Variants in CDH1 observed in about 807,000 individuals in gnomAD.
The protein encoded by CDH1 is cadherin 1.
Under a neutral mutation model 84.5 loss-of-function variants are expected in CDH1, and 35 were observed. The observed-to-expected ratio is 0.41, with a 90% CI of 0.32 to 0.55. The LOEUF (loss-of-function observed/expected upper bound fraction) is 0.55, where lower values mean the gene tolerates loss of function less well. Among genes scored for constraint, CDH1 ranks in the 20% least tolerant of loss-of-function variants. The pLI is 0.19. For synonymous variants in CDH1, 417 were observed against 439.0 expected (o/e 0.95, Z 0.63); for missense variants, 994 against 1,126.6 (o/e 0.88, Z 1.68).
At position 68,834,113 on chromosome 16, in the gene CDH1, C is replaced by T. The variant is rs1479148040; in HGVS notation, c.*614C>T. On this transcript the variant is annotated 3_prime_UTR_variant, in exon 16 of 16. Transcript: ENST00000261769. ...CTGGGACCACAGGCATGCACCACTACGCATGACTAATTTTTTAAATATTTG... is the reference window on the plus strand; with the variant it reads ...CTGGGACCACAGGCATGCACCACTATGCATGACTAATTTTTTAAATATTTG... 13 of 433,746 alleles carry T rather than the reference C, an allele frequency of 3.0e-5. No individual in the cohort carries two copies. The highest frequency in any genetic ancestry group is 7.6e-5 in the South Asian group (4 of 52,942). 26.9% of individuals were successfully genotyped at this position (433,746 alleles called of 1,614,324 possible). A position where few individuals can be genotyped will look rare whatever the true frequency, so the allele number is the denominator to read the frequency against.
Position 68,815,526 on chromosome 16 carries a change from T to A in CDH1, c.1332T>A (p.Phe444Leu), listed in dbSNP as rs1392114487. ...TTTCTGCTCTCTAGGGCTTGGATTT[T>A]GAGGCCAAGCAGCAGTACATTCTAC... Reference protein sequence around the residue: ...GILKTAKGLDFEAKQQYILHV... With the variant: ...GILKTAKGLDLEAKQQYILHV... The change falls in exon 10 of 16, where the codon TTT (phenylalanine) becomes TTA (leucine). Residue 444 changes from phenylalanine to leucine, a missense_variant. Phe to Leu is a conservative substitution (Grantham distance 22). Coordinates refer to ENST00000261769, the MANE Select transcript of CDH1 (RefSeq NM_004360.5). 2 of 1,614,254 alleles carry A rather than the reference T, an allele frequency of 1.2e-6. No individual in the cohort carries two copies. Among genetic ancestry groups the A allele is most frequent in the Non-Finnish European group, 1.7e-6 (2 of 1,180,050 alleles).
intron 10 of CDH1, among the ~76,000 whole-genome samples, 197 bp from the exon 11 acceptor site, chr16:68,819,083 T>C (rs527607039): frequency 2.6e-5 from 4 of 152,240 alleles, no homozygotes; most frequent in Admixed American, 6.5e-5. Flanking sequence ...CTCAAACCCC[T>C]GACCTCAGGT....
intron 2 of CDH1, among the ~76,000 whole-genome samples, chr16:68,770,048 A>G (rs974949452): frequency 1.3e-5 from 2 of 148,542 alleles, no homozygotes; most frequent in Non-Finnish European, 3.0e-5. Context: ...GGTTGTTTTC[A>G]GGTCCAAGTC....
chr16:68,804,406 C>T (rs1157045511), intron 3 of CDH1, among the ~76,000 whole-genome samples: 1 of 152,100 alleles, frequency 6.6e-6, no homozygotes, highest in Non-Finnish European at 1.5e-5. Flanking sequence ...AGCCACTGCG[C>T]CCGGCCCTAT....
intron 3 of CDH1, among the ~76,000 whole-genome samples, chr16:68,805,207 A>G (rs1271947640): frequency 2.0e-5 from 3 of 150,548 alleles, no homozygotes; most frequent in Non-Finnish European, 3.0e-5. Flanking sequence ...TTTAGTACAG[A>G]TGGGGTTTTA....
At chr16:68,779,386 T>C (rs1186424181) in intron 2 of CDH1, among the ~76,000 whole-genome samples, 3 of 152,196 alleles carry the variant, frequency 2.0e-5, no homozygotes, top group African/African-American at 7.2e-5. Context: ...CCGGCAGGCC[T>C]GAGTTCAATT....
chr16:68,782,984 G>A (rs1219677572), intron 2 of CDH1, among the ~76,000 whole-genome samples: 1 of 152,126 alleles, frequency 6.6e-6, no homozygotes, highest in Non-Finnish European at 1.5e-5. Flanking sequence ...CATATCCTAA[G>A]TGTCTCATTT....
chr16:68,813,192 G>T, intron 8 of CDH1, 121 bp from the exon 9 acceptor site: 1 of 1,004,824 alleles, frequency 1.0e-6, no homozygotes, highest in East Asian at 2.4e-5. Context: ...ACTCCAGCCT[G>T]GTGACAGTGA....
intron 2 of CDH1, among the ~76,000 whole-genome samples, chr16:68,755,101 A>G (rs935841963): frequency 6.6e-6 from 1 of 150,946 alleles, no homozygotes; most frequent in Non-Finnish European, 1.5e-5. Context: ...GCATGATAGA[A>G]CCCCGCCTCT....
chr16:68,739,286 G>A (rs967162233), intron 2 of CDH1, among the ~76,000 whole-genome samples: 4 of 151,982 alleles, frequency 2.6e-5, no homozygotes, highest in Admixed American at 6.6e-5. Context: ...GCATGGTGGC[G>A]TGTGCCTGTA....
Position 68,828,318 on chromosome 16 carries a change from A to G in CDH1, c.2295+14A>G, listed in dbSNP as rs1024244866. 4 of 1,613,560 alleles carry G rather than the reference A, an allele frequency of 2.5e-6. No homozygotes were observed. Among genetic ancestry groups the G allele is most frequent in the Non-Finnish European group, 2.5e-6 (3 of 1,179,772 alleles). Reference sequence around the variant, plus strand: ...GAAGAGGACCAGGTGGGTTTTGAAAACCTTGGTAGCTCAGTGGTGATCTCT... The same window carrying G: ...GAAGAGGACCAGGTGGGTTTTGAAAGCCTTGGTAGCTCAGTGGTGATCTCT... On this transcript the variant is annotated intron_variant, in intron 14 of 15. Coordinates refer to ENST00000261769, the MANE Select transcript of CDH1 (RefSeq NM_004360.5).
At chr16:68,745,944 A>T (rs138163763) in intron 2 of CDH1, among the ~76,000 whole-genome samples, 1 of 152,110 alleles carries the variant, frequency 6.6e-6, no homozygotes, top group Non-Finnish European at 1.5e-5. Context: ...CAGCCTCCCA[A>T]GTAGCTGGGA....
chr16:68,755,760 AT>A (rs34523825), intron 2 of CDH1, among the ~76,000 whole-genome samples: 54,153 of 122,068 alleles, frequency 0.44, 11,035 homozygotes, highest in Non-Finnish European at 0.53. Context: ...AGTTTTCTAA[AT>A]TTTTTTTTTT....
chr16:68,759,382 T>C (rs1963101310), intron 2 of CDH1, among the ~76,000 whole-genome samples: 1 of 152,206 alleles, frequency 6.6e-6, no homozygotes, highest in South Asian at 2.1e-4. Context: ...GTCGTTGCAT[T>C]CATTTATTGA....
intron 15 of CDH1, among the ~76,000 whole-genome samples, chr16:68,832,086 G>T (rs1961498101): frequency 6.6e-6 from 1 of 151,992 alleles, no homozygotes; most frequent in African/African-American, 2.4e-5. Flanking sequence ...TGAATGATGA[G>T]AACTCATGGA....
At chr16:68,787,878 T>C (rs9922275) in intron 2 of CDH1, among the ~76,000 whole-genome samples, 1,932 of 145,148 alleles carry the variant, frequency 0.013, 51 homozygotes, top group African/African-American at 0.047. Flanking sequence ...CAGGCTGGAG[T>C]ACAATGGCAT....
At chr16:68,743,359 CTTTCT>C (rs1555510236) in intron 2 of CDH1, among the ~76,000 whole-genome samples, 1 of 55,568 alleles carries the variant, frequency 1.8e-5, no homozygotes, top group African/African-American at 7.3e-5. Context: ...TTCTTTCTTT[CTTTCT>C]TTTCTTTTCT....
At position 68,819,280 on chromosome 16, in the gene CDH1, A is replaced by T. The variant is rs1555516521; in HGVS notation, c.1566A>T (p.Thr522=). 1 of 1,614,220 alleles carries T rather than the reference A, an allele frequency of 6.2e-7. No homozygotes were observed. The highest frequency in any genetic ancestry group is 8.5e-7 in the Non-Finnish European group (1 of 1,180,046). The change falls in exon 11 of 16, where the codon ACA becomes ACT. Residue 522 remains threonine, a splice_region_variant and synonymous_variant. Transcript: ENST00000261769. ...AAAGCCAGAGCTTGTCCCCGTTCAG[A>T]TATCGGATTTGGAGAGACACTGCCA... is the stretch of plus-strand genomic sequence containing the variant. ...EPDTFMEQKI[T]YRIWRDTANW... is the part of the protein sequence containing the mutation.
intron 2 of CDH1, among the ~76,000 whole-genome samples, chr16:68,789,580 T>C (rs1960155924): frequency 6.6e-6 from 1 of 152,078 alleles, no homozygotes; most frequent in Non-Finnish European, 1.5e-5. Flanking sequence ...ATTACACCAT[T>C]TAAAGTGTAG....
Sources: gnomAD v4.1 joint callset for allele counts (sites outside exome capture counted in the v4.1 genomes callset) on GRCh38, gnomAD v4.1.1 for gene constraint, MANE v1.5 for transcripts, NCBI Gene and HGNC (gene_info 2026-07-23, HGNC 2026-07-21) for gene names.